The following MYH10 variants were observed in gnomAD, a reference collection of about 807,000 sequenced individuals.
MYH10 encodes myosin heavy chain 10.
MYH10 carries 55 observed loss-of-function variants against 257.8 expected under a neutral mutation model. That is an observed-to-expected ratio of 0.21 (90% confidence interval 0.17 to 0.27). The LOEUF (loss-of-function observed/expected upper bound fraction) is 0.27. MYH10 is among the 10% of genes least tolerant of loss of function. MYH10 has a pLI of 1.00. For missense variants in MYH10, 1,631 were observed against 2,500.6 expected (o/e 0.65, Z 7.42); for synonymous variants, 854 against 921.7 (o/e 0.93, Z 1.33).
Position 8,545,318 on chromosome 17 carries a change from T to C in MYH10, c.1431+130A>G. On this transcript the variant is annotated intron_variant, in intron 13 of 42. Transcript: ENST00000360416. The surrounding 1 kb of genome is among the most constrained non-coding windows in gnomAD (Gnocchi z 4.7). ...TCACTGATTATTTGCCATTTATTGT[T>C]TGGCTCTACTAGAATGGCAGGGACT... The C allele has an allele frequency of 1.0e-6, 1 of 970,034 alleles. No individual in the cohort carries two copies. The highest frequency in any genetic ancestry group is 1.5e-6 in the Non-Finnish European group (1 of 651,432). 60.1% of individuals were successfully genotyped at this position (970,034 alleles called of 1,614,324 possible).
intron 36 of MYH10, among the ~76,000 whole-genome samples, chr17:8,487,230 C>T (rs772106361): frequency 2.4e-4 from 37 of 152,218 alleles, no homozygotes; most frequent in Non-Finnish European, 1.8e-4. Context: ...CATGATGCCT[C>T]CACCCCAACT....
rs1335449167 is a variant in MYH10 at position 8,543,606 on chromosome 17, T to C, written c.1432-1326A>G. 2.0e-5 allele frequency among the ~76,000 whole-genome samples: 3 copies of C among 151,908 alleles called. No individual in the cohort carries two copies. In the East Asian group the frequency reaches 5.8e-4, roughly 29 times the overall value. ...TCTCTGCCTCAGCCTTCGGAGTAGC[T>C]GAGATTACAGGCATCTGCCACCAAG... On this transcript the variant is annotated intron_variant, in intron 13 of 42. Coordinates refer to ENST00000360416, the MANE Select transcript of MYH10 (RefSeq NM_001256012.3).
At chr17:8,533,958 C>T (rs1460599199) in intron 16 of MYH10, among the ~76,000 whole-genome samples, 1 of 152,172 alleles carries the variant, frequency 6.6e-6, no homozygotes, top group Non-Finnish European at 1.5e-5. Context: ...CCTCTTCTTC[C>T]TCACATATTT....
rs748419521 is a variant in MYH10 at position 8,490,511 on chromosome 17, C to T, written c.4713G>A (p.Gln1571=). ...LEKSKRALEQ[Q]VEEMRTQLEE... is the part of the protein sequence containing the mutation. Reference sequence around the variant, plus strand: ...CCAGCTGGGTCCTCATTTCCTCCACCTGCTGCTCTAGGGCCCGTTTGGATT... The same window carrying T: ...CCAGCTGGGTCCTCATTTCCTCCACTTGCTGCTCTAGGGCCCGTTTGGATT... Residue 1571 remains glutamine (Q), a synonymous_variant, in exon 35 of 43, where the codon CAG becomes CAA. Transcript: ENST00000360416. The surrounding 1 kb of genome is among the most constrained non-coding windows in gnomAD (Gnocchi z 4.1). The T allele has an allele frequency of 2.5e-6, 4 of 1,614,090 alleles. No individual in the cohort carries two copies. The South Asian group carries it at 4.4e-5, about 18-fold the overall frequency.
At chr17:8,536,916 G>C (rs909426171) in intron 14 of MYH10, among the ~76,000 whole-genome samples, 19 of 152,268 alleles carry the variant, frequency 1.2e-4, no homozygotes, top group Non-Finnish European at 2.2e-4. Flanking sequence ...TTTCTTTCTG[G>C]GGTGATGAAA....
chr17:8,598,677 A>G (rs942280227), intron 3 of MYH10, among the ~76,000 whole-genome samples: 2 of 151,292 alleles, frequency 1.3e-5, no homozygotes, highest in Non-Finnish European at 2.9e-5. Flanking sequence ...TTTTGCCATA[A>G]CTCACAAAAT....
chr17:8,592,553 A>C (rs1021344074), intron 3 of MYH10, among the ~76,000 whole-genome samples: 3 of 151,916 alleles, frequency 2.0e-5, no homozygotes, highest in African/African-American at 7.2e-5. Context: ...ACTAAGATGA[A>C]AGGGATAAAT....
At chr17:8,599,990 G>A (rs982107740) in intron 3 of MYH10, among the ~76,000 whole-genome samples, 4 of 152,206 alleles carry the variant, frequency 2.6e-5, no homozygotes, top group Non-Finnish European at 5.9e-5. Flanking sequence ...CCAGAGATCT[G>A]GAGCCTGCAG....
At chr17:8,607,525 CATT>C (rs2084857435) in intron 2 of MYH10, among the ~76,000 whole-genome samples, 1 of 152,150 alleles carries the variant, frequency 6.6e-6, no homozygotes, top group South Asian at 2.1e-4. Context: ...TAAGAAGGAA[CATT>C]ATTAAAGTGC....
chr17:8,489,353 G>A (rs1915375922), intron 35 of MYH10, among the ~76,000 whole-genome samples: 1 of 152,186 alleles, frequency 6.6e-6, no homozygotes, highest in Non-Finnish European at 1.5e-5. Flanking sequence ...TTCTTATCCA[G>A]CAATAAATGA....
At chr17:8,539,714 A>G (rs952528777) in intron 14 of MYH10, among the ~76,000 whole-genome samples, 2 of 152,048 alleles carry the variant, frequency 1.3e-5, no homozygotes, top group African/African-American at 4.8e-5. Flanking sequence ...CAGCCTCCTG[A>G]GTAGCTGGTA....
At position 8,535,677 on chromosome 17, in the gene MYH10, C is replaced by A; in HGVS notation, c.1779+81G>T. On this transcript the variant is annotated intron_variant, in intron 15 of 42. Transcript: ENST00000360416. The surrounding 1 kb of genome is among the most constrained non-coding windows in gnomAD (Gnocchi z 4.3). ...TTTGTTTATAAATGTTTATCAGCAC[C>A]TTTGTTACACCTTCATAAAAATGTA... 1 of 1,417,192 alleles carries A rather than the reference C, an allele frequency of 7.1e-7. No individual in the cohort carries two copies. Among genetic ancestry groups the A allele is most frequent in the Non-Finnish European group, 9.7e-7 (1 of 1,025,912 alleles). The allele number at this position is 1,417,192 out of a possible 1,614,324, so 87.8% of individuals were successfully genotyped here.
In MYH10 at chr17:8,511,044, A is replaced by G. The variant is rs2081264906; in HGVS notation, c.2953-1095T>C. ...TATATATATATATATATATATATAT[A>G]TATATATATATATATACACACATAC... is the stretch of plus-strand genomic sequence containing the variant. On this transcript the variant is annotated intron_variant, in intron 24 of 42. Transcript: ENST00000360416. 3 of 8,252 alleles carry G rather than the reference A, an allele frequency of 3.6e-4. No individual in the cohort carries two copies. The Admixed American group carries it at 8.2e-3, about 22-fold the overall frequency. 0.5% of individuals were successfully genotyped at this position (8,252 alleles called of 1,614,324 possible). A position where few individuals can be genotyped will look rare whatever the true frequency, so the allele number is the denominator to read the frequency against.
chr17:8,564,107 T>C (rs1225804947), intron 7 of MYH10, among the ~76,000 whole-genome samples: 5 of 152,194 alleles, frequency 3.3e-5, no homozygotes, highest in African/African-American at 1.2e-4. Context: ...ATTTTACTTC[T>C]CCATAAACAG....
intron 30 of MYH10, among the ~76,000 whole-genome samples, 179 bp from the exon 31 acceptor site, chr17:8,495,420 A>G (rs1916428481): frequency 1.3e-5 from 2 of 152,130 alleles, no homozygotes; most frequent in South Asian, 4.1e-4. Context: ...AGCTCAAATA[A>G]GTAGGTACTA....
chr17:8,589,080 C>A lies in MYH10; in HGVS notation c.530+1G>T, dbSNP rs1180886570. On this transcript the variant is annotated splice_donor_variant, in intron 4 of 42. Transcript: ENST00000360416. LOFTEE classifies it high-confidence loss of function. ...AATCTGAACATTCAACATTTACTTA[C>A]GTGCAAAGAATTGACTGGTCCTCAC... The A allele has an allele frequency of 6.2e-7, 1 of 1,613,086 alleles. No homozygotes were observed. Among genetic ancestry groups the A allele is most frequent in the Non-Finnish European group, 8.5e-7 (1 of 1,179,560 alleles).
chr17:8,494,890 T>C (rs1488072984), intron 31 of MYH10, among the ~76,000 whole-genome samples: 1 of 152,236 alleles, frequency 6.6e-6, no homozygotes, highest in Admixed American at 6.5e-5. Context: ...CGGCCGTGAA[T>C]GGCAGCTGGA....
At chr17:8,492,250 TG>T (rs753708132) in intron 34 of MYH10, 46 bp downstream of exon 34, 3 of 1,583,086 alleles carry the variant, frequency 1.9e-6, no homozygotes, top group African/African-American at 2.7e-5. Context: ...CCCAGGCCCC[TG>T]GGATACTCTC....
chr17:8,574,309 A>G (rs2083435699), intron 6 of MYH10, among the ~76,000 whole-genome samples: 1 of 152,254 alleles, frequency 6.6e-6, no homozygotes, highest in South Asian at 2.1e-4. Context: ...GATTCCATTC[A>G]CACGAAATGT....
Sources: allele counts gnomAD v4.1 joint callset (sites outside exome capture counted in the v4.1 genomes callset), GRCh38; gene constraint gnomAD v4.1.1; non-coding constraint Gnocchi (gnomAD v3.1); transcripts MANE v1.5; gene names NCBI Gene and HGNC (gene_info 2026-07-23, HGNC 2026-07-21).